ADGRG7: variants seen among roughly 807,000 people sequenced by gnomAD.
The protein encoded by ADGRG7 is G-protein coupled receptor 128.
A neutral mutation model predicts 88.6 loss-of-function variants in ADGRG7; 82 were observed. That is an observed-to-expected ratio of 0.93 (90% CI 0.77 to 1.11). The LOEUF (loss-of-function observed/expected upper bound fraction) is 1.11. Ranked by LOEUF, ADGRG7 falls within the 50% of genes most tolerant of loss-of-function variation. ADGRG7 has a pLI of 0.00. For missense variants in ADGRG7, 945 were observed against 953.4 expected, an observed-to-expected ratio of 0.99 and a Z score of 0.12; for synonymous variants, 381 against 345.2, an observed-to-expected ratio of 1.10 and a Z score of -1.15.
At chr3:100,612,762 C>T (rs2149010063) in intron 1 of ADGRG7, among the ~76,000 whole-genome samples, 1 of 152,286 alleles carries the variant, frequency 6.6e-6, no homozygotes, top group Admixed American at 6.5e-5. Context: ...CGCTTATCTC[C>T]AGATATTCTA....
chr3:100,693,395 A>C (rs1279866461), intron 15 of ADGRG7, among the ~76,000 whole-genome samples: 2 of 152,188 alleles, frequency 1.3e-5, no homozygotes, highest in Non-Finnish European at 2.9e-5. Flanking sequence ...GTCTCCAAGC[A>C]CACACTGTCA....
chr3:100,660,017 C>T (rs2094943154), intron 14 of ADGRG7, among the ~76,000 whole-genome samples, 174 bp downstream of exon 14: 1 of 152,212 alleles, frequency 6.6e-6, no homozygotes, highest in Admixed American at 6.5e-5. Context: ...ATCTTCTCGT[C>T]TTCTCACATC....
At chr3:100,687,702 C>T (rs1230130500) in intron 15 of ADGRG7, among the ~76,000 whole-genome samples, 1 of 152,210 alleles carries the variant, frequency 6.6e-6, no homozygotes, top group East Asian at 1.9e-4. Context: ...TATGTTGAAC[C>T]AGCTTTGCAT....
chr3:100,635,956 A>C (rs771912101), intron 5 of ADGRG7, 130 bp downstream of exon 5: 2 of 673,814 alleles, frequency 3.0e-6, no homozygotes, highest in Non-Finnish European at 4.8e-6. Flanking sequence ...AAGTTGCTTA[A>C]AGGCATTTTG....
At chr3:100,620,515 G>C (rs1040760095) in intron 1 of ADGRG7, among the ~76,000 whole-genome samples, 3 of 152,256 alleles carry the variant, frequency 2.0e-5, no homozygotes, top group South Asian at 2.1e-4. Flanking sequence ...GGGATGCCCT[G>C]TGTCACCACT....
At chr3:100,620,923 A>C (rs567227944) in intron 1 of ADGRG7, among the ~76,000 whole-genome samples, 1 of 151,776 alleles carries the variant, frequency 6.6e-6, no homozygotes, top group Non-Finnish European at 1.5e-5. Flanking sequence ...TGCTCGCTTC[A>C]TGTCTCTGTG....
chr3:100,630,762 G>T lies in ADGRG7; in HGVS notation c.287G>T (p.Gly96Val). ...TTTACTTTTGCCAGAATCCCAGTGGGCAGATATGGACCATCCTTGCAAACA... is the reference window on the plus strand; with the variant it reads ...TTTACTTTTGCCAGAATCCCAGTGGTCAGATATGGACCATCCTTGCAAACA... Reference protein sequence around the residue: ...MGFTFARIPVGRYGPSLQTCG... With the variant: ...MGFTFARIPVVRYGPSLQTCG... Residue 96 changes from glycine (G) to valine (V), a missense_variant, in exon 3 of 16, where the codon GGC (glycine) becomes GTC (valine). By Grantham distance (109) the Gly-to-Val change is moderately radical. Transcript: ENST00000273352. 6.7e-7 allele frequency: 1 copy of T among 1,485,180 alleles called. No homozygotes were observed. Among genetic ancestry groups the T allele is most frequent in the Non-Finnish European group, 8.9e-7 (1 of 1,119,262 alleles). The allele number at this position is 1,485,180 out of a possible 1,614,324, so 92.0% of individuals were successfully genotyped here. A position where few individuals can be genotyped will look rare whatever the true frequency, so the allele number is the denominator to read the frequency against.
intron 1 of ADGRG7, among the ~76,000 whole-genome samples, chr3:100,616,313 G>T (rs1341401580): frequency 2.0e-5 from 3 of 151,902 alleles, no homozygotes; most frequent in Non-Finnish European, 1.5e-5. Flanking sequence ...AACCCTCCCA[G>T]AATTGGATAT....
At chr3:100,640,389 A>G (rs971321177) in intron 6 of ADGRG7, among the ~76,000 whole-genome samples, 1 of 152,180 alleles carries the variant, frequency 6.6e-6, no homozygotes, top group African/African-American at 2.4e-5. Flanking sequence ...GAGGGTGAGA[A>G]TAAAAGGGAG....
At chr3:100,686,631 G>T (rs887123569) in intron 15 of ADGRG7, among the ~76,000 whole-genome samples, 3 of 152,128 alleles carry the variant, frequency 2.0e-5, no homozygotes, top group Admixed American at 2.0e-4. Context: ...ATTAAATAGG[G>T]AATCCTTTCC....
intron 6 of ADGRG7, among the ~76,000 whole-genome samples, chr3:100,639,010 CTGTGTGTGTG>C (rs56088926): frequency 0.2 from 29,981 of 146,720 alleles, 3,461 homozygotes; most frequent in Non-Finnish European, 0.28. Flanking sequence ...CCCTCTGTTT[CTGTGTGTGTG>C]TGTGTGTGTG....
intron 14 of ADGRG7, among the ~76,000 whole-genome samples, chr3:100,664,018 A>G (rs544215565): frequency 6.6e-6 from 1 of 152,230 alleles, no homozygotes; most frequent in African/African-American, 2.4e-5. Context: ...GCACAAAACT[A>G]ATCACAAGTA....
intron 15 of ADGRG7, among the ~76,000 whole-genome samples, chr3:100,691,835 A>G (rs1311595279): frequency 6.6e-6 from 1 of 151,986 alleles, no homozygotes; most frequent in African/African-American, 2.4e-5. Context: ...TTTACCCTAT[A>G]AAATTAACTT....
At chr3:100,617,044 A>C in intron 1 of ADGRG7, among the ~76,000 whole-genome samples, 1 of 152,174 alleles carries the variant, frequency 6.6e-6, no homozygotes, top group East Asian at 1.9e-4. Flanking sequence ...CTCTTAAAGA[A>C]GTAATAACTA....
At chr3:100,674,580 T>C (rs1430700521) in intron 15 of ADGRG7, among the ~76,000 whole-genome samples, 1 of 30,736 alleles carries the variant, frequency 3.3e-5, no homozygotes, top group East Asian at 9.4e-4. Flanking sequence ...TCTTAATTCC[T>C]TTTTTTTTTT....
intron 1 of ADGRG7, 41 bp downstream of exon 1, chr3:100,610,012 G>T (rs1375485683): frequency 1.3e-6 from 2 of 1,515,688 alleles, no homozygotes; most frequent in South Asian, 2.2e-5. Context: ...GTAAGAGAAG[G>T]TATGGGACCT....
At chr3:100,677,749 C>CTT (rs1053396054) in intron 15 of ADGRG7, among the ~76,000 whole-genome samples, 8 of 152,068 alleles carry the variant, frequency 5.3e-5, no homozygotes, top group African/African-American at 1.9e-4. Flanking sequence ...TCATGTCACT[C>CTT]TTTTTTGGGC....
intron 15 of ADGRG7, among the ~76,000 whole-genome samples, chr3:100,687,847 T>G (rs1278742943): frequency 6.6e-6 from 1 of 152,288 alleles, no homozygotes; most frequent in East Asian, 1.9e-4. Context: ...TCTTTTTTTG[T>G]TGTGTCTCTG....
intron 1 of ADGRG7, among the ~76,000 whole-genome samples, chr3:100,621,907 A>G (rs951515114): frequency 6.6e-6 from 1 of 152,218 alleles, no homozygotes. Flanking sequence ...CCTAAAGTTG[A>G]AGCCAATGTT....
Sources: gnomAD v4.1 joint callset for allele counts (sites outside exome capture counted in the v4.1 genomes callset) on GRCh38, gnomAD v4.1.1 for gene constraint, MANE v1.5 for transcripts, NCBI Gene and HGNC (gene_info 2026-07-23, HGNC 2026-07-21) for gene names.